Variants in LTBP2 observed in about 807,000 individuals in gnomAD.
LTBP2 encodes latent-transforming growth factor beta-binding protein 2.
LTBP2 carries 103 observed loss-of-function variants against 210.6 expected under a neutral mutation model. The observed-to-expected ratio is 0.49, with a 90% CI of 0.42 to 0.58. LTBP2 has a LOEUF of 0.58. Among genes scored for constraint, LTBP2 ranks in the 20% least tolerant of loss-of-function variants. The probability of loss-of-function intolerance (pLI) is 0.00; values close to 1 mark genes in which losing one functional copy is unlikely to be tolerated. For synonymous variants in LTBP2, 1,007 were observed against 1,015.0 expected, an observed-to-expected ratio of 0.99 and a Z score of 0.15; for missense variants, 2,313 against 2,494.5, an observed-to-expected ratio of 0.93 and a Z score of 1.55.
intron 3 of LTBP2, among the ~76,000 whole-genome samples, chr14:74,583,319 A>G (rs539372761): frequency 6.6e-6 from 1 of 152,294 alleles, no homozygotes; most frequent in South Asian, 2.1e-4. Flanking sequence ...CTATCAGGAG[A>G]GAGGCCAGCA....
intron 18 of LTBP2, among the ~76,000 whole-genome samples, chr14:74,512,464 G>A (rs1267328352): frequency 6.6e-6 from 1 of 152,200 alleles, no homozygotes; most frequent in East Asian, 1.9e-4. Flanking sequence ...CTGAACATAG[G>A]CTTTCTGCAG....
intron 2 of LTBP2, among the ~76,000 whole-genome samples, chr14:74,589,766 G>A (rs943353470): frequency 3.3e-5 from 5 of 152,218 alleles, no homozygotes; most frequent in Non-Finnish European, 7.3e-5. Flanking sequence ...GATGTGCCCA[G>A]GGCAGGTCTC....
intron 9 of LTBP2, among the ~76,000 whole-genome samples, chr14:74,533,056 G>A (rs2087373382): frequency 6.6e-6 from 1 of 152,182 alleles, no homozygotes; most frequent in Non-Finnish European, 1.5e-5. Flanking sequence ...TGTTGCCCAT[G>A]GCTGGTCTCA....
chr14:74,503,445 T>C (rs2086941121), intron 32 of LTBP2, 24 bp downstream of exon 32: 2 of 1,609,000 alleles, frequency 1.2e-6, no homozygotes, highest in Non-Finnish European at 1.7e-6. Context: ...CTTCTCCTGC[T>C]CCCCCACGCT....
Position 74,532,524 on chromosome 14 carries a change from C to T in LTBP2, c.1889G>A (p.Gly630Asp), listed in dbSNP as rs1299939729. 2 of 1,614,178 alleles carry T rather than the reference C, an allele frequency of 1.2e-6. No homozygotes were observed. The highest frequency in any genetic ancestry group is 1.7e-5 in the Admixed American group (1 of 60,024). The change falls in exon 10 of 36, where the codon GGC (glycine) becomes GAC (aspartate). Residue 630 changes from glycine (G) to aspartate (D), a missense_variant. By Grantham distance (94) the Gly-to-Asp change is moderately conservative. This residue lies in a region of LTBP2 where 1,867 missense variants were observed against 1,976.9 expected (regional missense o/e 0.94). Transcript: ENST00000261978. Reference sequence around the variant, plus strand: ...CACACACTCCGCGTCCTTGCACAGGCCCAGGGTCAAGCACTCGTTGATATC... The same window carrying T: ...CACACACTCCGCGTCCTTGCACAGGTCCAGGGTCAAGCACTCGTTGATATC... ...CQDINECLTLGLCKDAECVNT... is the reference protein window; with the variant it reads ...CQDINECLTLDLCKDAECVNT...
intron 3 of LTBP2, among the ~76,000 whole-genome samples, chr14:74,584,219 T>C (rs1220713382): frequency 6.6e-6 from 1 of 152,048 alleles, no homozygotes; most frequent in African/African-American, 2.4e-5. Flanking sequence ...TGAATGTGAT[T>C]CACCTTGAAG....
intron 8 of LTBP2, among the ~76,000 whole-genome samples, chr14:74,543,858 C>T (rs2028377): frequency 0.25 from 38,784 of 152,158 alleles, 6,223 homozygotes; most frequent in Non-Finnish European, 0.35. Flanking sequence ...CCAAAGATGG[C>T]CTCTGACTGC....
intron 3 of LTBP2, among the ~76,000 whole-genome samples, chr14:74,560,615 A>G (rs2087781928): frequency 6.6e-6 from 1 of 152,200 alleles, no homozygotes; most frequent in African/African-American, 2.4e-5. Context: ...CCCTCACCCT[A>G]GCCTGGCTGC....
rs1210601933 is a variant in LTBP2, at chr14:74,611,682, G to T, written c.263C>A (p.Ala88Asp). Residue 88 changes from alanine to aspartate, a missense_variant, in exon 1 of 36, where the codon GCC becomes GAC. Coordinates refer to ENST00000261978, the MANE Select transcript of LTBP2 (RefSeq NM_000428.3). The stretch of plus-strand genomic sequence containing the variant: ...CCTGGGGCTCCCCCAGCCCGGCTGG[G>T]CCCGCTCCACGGGCTGCAAGCCCGC... ...PVAGLQPVER[A>D]QPGWGSPRRP... The T allele has an allele frequency of 1.9e-6, 3 of 1,573,334 alleles. No individual in the cohort carries two copies. The South Asian group carries it at 3.4e-5, about 18-fold the overall frequency.
chr14:74,528,922 T>A, intron 11 of LTBP2, 36 bp downstream of exon 11: 1 of 1,606,600 alleles, frequency 6.2e-7, no homozygotes, highest in Non-Finnish European at 8.5e-7. Flanking sequence ...CTTGAGCCCC[T>A]GGGCAGTGAA....
At chr14:74,590,972 T>C (rs748482419) in intron 2 of LTBP2, among the ~76,000 whole-genome samples, 6 of 152,122 alleles carry the variant, frequency 3.9e-5, no homozygotes, top group Admixed American at 2.0e-4. Context: ...CAAAAACCAT[T>C]TGTACTCCAA....
chr14:74,526,015 A>G (rs1206294194), intron 14 of LTBP2, 60 bp downstream of exon 14: 6 of 1,525,010 alleles, frequency 3.9e-6, no homozygotes, highest in Non-Finnish European at 5.4e-6. Flanking sequence ...TCCACTCCTG[A>G]TTAAGGGCTC....
intron 3 of LTBP2, among the ~76,000 whole-genome samples, chr14:74,572,316 TGTGTGTGAGAGA>T (rs1422470722): frequency 5.1e-5 from 3 of 59,356 alleles, no homozygotes; most frequent in African/African-American, 1.2e-4. Flanking sequence ...TCTGTGTGTG[TGTGTGTGAGAGA>T]GAGAGAGAGA....
rs543965530 is a variant in LTBP2 at position 74,499,142 on chromosome 14, G to A, written c.*1742C>T. ...TATTTCCCACATGCTTGCCAGCTAGGAGTCTTAACAAGCTTTTTGATCTTT... is the reference window on the plus strand; with the variant it reads ...TATTTCCCACATGCTTGCCAGCTAGAAGTCTTAACAAGCTTTTTGATCTTT... On this transcript the variant is annotated 3_prime_UTR_variant, in exon 36 of 36. Transcript: ENST00000261978. 9.3e-6 allele frequency: 2 copies of A among 216,202 alleles called. No individual in the cohort carries two copies. The highest frequency in any genetic ancestry group is 3.7e-4 in the South Asian group (2 of 5,386). 13.4% of individuals were successfully genotyped at this position (216,202 alleles called of 1,614,324 possible).
At chr14:74,508,223 C>A in intron 24 of LTBP2, 128 bp from the exon 25 acceptor site, 8 of 1,225,824 alleles carry the variant, frequency 6.5e-6, no homozygotes, top group Non-Finnish European at 9.2e-6. Context: ...GGAAAAGGCT[C>A]GAAGCCAGAG....
intron 3 of LTBP2, among the ~76,000 whole-genome samples, chr14:74,571,035 TA>T (rs372564901): frequency 0.056 from 7,788 of 140,008 alleles, 224 homozygotes; most frequent in African/African-American, 0.095. Context: ...TTCTTTATAT[TA>T]AAAAAAAAAA....
chr14:74,521,395 G>A (rs1052845193), intron 17 of LTBP2, among the ~76,000 whole-genome samples: 5 of 150,526 alleles, frequency 3.3e-5, no homozygotes, highest in Middle Eastern at 3.4e-3. Context: ...CGTTGGGAGC[G>A]TATTTATCAA....
At position 74,549,889 on chromosome 14, in the gene LTBP2, A is replaced by C; in HGVS notation, c.1763T>G (p.Leu588Trp). The change falls in exon 8 of 36, where the codon TTG (leucine) becomes TGG (tryptophan). Residue 588 changes from leucine to tryptophan, a missense_variant. By Grantham distance (61) the Leu-to-Trp change is moderately conservative. Around this residue, in one of 3 missense-constraint regions of LTBP2, gnomAD observed 1,867 missense variants for 1,976.9 expected, o/e 0.94. Coordinates refer to ENST00000261978, the MANE Select transcript of LTBP2 (RefSeq NM_000428.3). ...GSVGAFWGVTLCAPCPPRPAS... is the reference protein window; with the variant it reads ...GSVGAFWGVTWCAPCPPRPAS... ...TGGTCTGGGTGGGCATGGGGCACAC[A>C]AAGTCACCCCCCAGAAGGCTCCCAC... The C allele has an allele frequency of 5.6e-6, 9 of 1,614,086 alleles. No homozygotes were observed. The highest frequency in any genetic ancestry group is 7.6e-6 in the Non-Finnish European group (9 of 1,179,960).
chr14:74,570,396 G>A (rs975102481), intron 3 of LTBP2, among the ~76,000 whole-genome samples: 7 of 152,126 alleles, frequency 4.6e-5, no homozygotes, highest in African/African-American at 1.7e-4. Flanking sequence ...GCCCCGACAA[G>A]CACACTGTAG....
Sources: gnomAD v4.1 joint callset for allele counts (sites outside exome capture counted in the v4.1 genomes callset) on GRCh38, gnomAD v4.1.1 for gene constraint, gnomAD v4.1.1 regional missense constraint, MANE v1.5 for transcripts, NCBI Gene and HGNC (gene_info 2026-07-23, HGNC 2026-07-21) for gene names.